Variants in CRYBG1 observed in about 807,000 individuals in gnomAD.
CRYBG1 encodes crystallin beta-gamma domain containing 1.
Under a neutral mutation model 189.2 loss-of-function variants are expected in CRYBG1, and 139 were observed. That is an observed-to-expected ratio of 0.73 (90% confidence interval 0.64 to 0.85). The LOEUF (loss-of-function observed/expected upper bound fraction) is 0.85, where lower values mean the gene tolerates loss of function less well. CRYBG1 is among the 40% of genes least tolerant of loss of function. CRYBG1 has a pLI of 0.00. For missense variants in CRYBG1, 2,611 were observed against 2,675.8 expected (o/e 0.98, Z 0.53); for synonymous variants, 1,023 against 1,017.1 (o/e 1.01, Z -0.11).
chr6:106,473,001 T>G (rs1043777515), intron 2 of CRYBG1, among the ~76,000 whole-genome samples: 1 of 152,230 alleles, frequency 6.6e-6, no homozygotes, highest in Non-Finnish European at 1.5e-5. Flanking sequence ...AGTTTCTCTC[T>G]TGTTACCTGT....
At chr6:106,390,553 C>T (rs1247403531) in intron 1 of CRYBG1, among the ~76,000 whole-genome samples, 2 of 151,924 alleles carry the variant, frequency 1.3e-5, no homozygotes, top group East Asian at 3.9e-4. Flanking sequence ...AAATATGAAA[C>T]ATTACTGTTA....
At chr6:106,566,951 A>G (rs1327803972) in intron 21 of CRYBG1, among the ~76,000 whole-genome samples, 1 of 152,208 alleles carries the variant, frequency 6.6e-6, no homozygotes, top group Non-Finnish European at 1.5e-5. Flanking sequence ...TCCAGACCAC[A>G]TACCTTGTAA....
At chr6:106,499,989 T>A (rs1376147700) in intron 2 of CRYBG1, among the ~76,000 whole-genome samples, 1 of 152,230 alleles carries the variant, frequency 6.6e-6, no homozygotes, top group Non-Finnish European at 1.5e-5. Context: ...GTGTTCCCAA[T>A]GACAGAATTT....
intron 1 of CRYBG1, among the ~76,000 whole-genome samples, chr6:106,446,331 A>G (rs76475136): frequency 1.2e-3 from 184 of 152,332 alleles, no homozygotes; most frequent in African/African-American, 4.3e-3. Context: ...TTAATTCAGA[A>G]GAGTGGTTCT....
intron 1 of CRYBG1, among the ~76,000 whole-genome samples, chr6:106,427,375 A>G (rs1771246020): frequency 6.6e-6 from 1 of 152,148 alleles, no homozygotes; most frequent in East Asian, 1.9e-4. Context: ...ATTGTTCCCT[A>G]TCTCAGTAAA....
Position 106,544,714 on chromosome 6 carries a change from C to A in CRYBG1, c.5166+17C>A. The A allele has an allele frequency of 6.2e-7, 1 of 1,611,174 alleles. No individual in the cohort carries two copies. On this transcript the variant is annotated intron_variant, in intron 12 of 21. Transcript: ENST00000633556. ...ATATTAGGTGTAAGTAAAGGACAAG[C>A]TAATGGCTAATACTTGGTCTTCTTT...
chr6:106,518,973 G>GTGCACACACA (rs1554188393), intron 3 of CRYBG1, among the ~76,000 whole-genome samples, 158 bp from the exon 4 acceptor site: 3 of 41,740 alleles, frequency 7.2e-5, no homozygotes, highest in South Asian at 1.2e-3. Context: ...ACACATGTGT[G>GTGCACACACA]CGCACACACA....
intron 1 of CRYBG1, among the ~76,000 whole-genome samples, chr6:106,391,958 TGTGTGTGTGTGTGCGTGC>T (rs1474613559): frequency 7.7e-5 from 5 of 65,092 alleles, no homozygotes; most frequent in African/African-American, 3.1e-4. Context: ...TGTGTGTGTG[TGTGTGTGTGTGTGCGTGC>T]GCGTTTCCTG....
intron 1 of CRYBG1, among the ~76,000 whole-genome samples, chr6:106,422,481 G>A (rs1771148870): frequency 6.6e-6 from 1 of 151,958 alleles, no homozygotes; most frequent in Non-Finnish European, 1.5e-5. Flanking sequence ...ACAGGCCTGA[G>A]CCACCATGCC....
intron 1 of CRYBG1, among the ~76,000 whole-genome samples, chr6:106,443,351 G>A (rs982936115): frequency 2.8e-4 from 43 of 152,272 alleles, no homozygotes; most frequent in African/African-American, 1.0e-3. Context: ...TGTTAAAATT[G>A]ATTCATGATC....
intron 2 of CRYBG1, among the ~76,000 whole-genome samples, chr6:106,507,147 A>G (rs1773147991): frequency 1.3e-5 from 2 of 152,218 alleles, no homozygotes; most frequent in African/African-American, 4.8e-5. Context: ...ACGCTGCTGG[A>G]ATATGATCTC....
Position 106,416,580 on chromosome 6 carries a change from A to G in CRYBG1, c.174-35114A>G, listed in dbSNP as rs972346354. On this transcript the variant is annotated intron_variant, in intron 1 of 21. Coordinates refer to ENST00000633556, the MANE Select transcript of CRYBG1 (RefSeq NM_001371242.2). ...ATCTTACTTCAGAATATATTGCCCA[A>G]TGTTCTCCAATGTAGAGCTTTGGCT... 5.4e-4 allele frequency among the ~76,000 whole-genome samples: 83 copies of G among 152,334 alleles called. 1 individual carries two copies. Among genetic ancestry groups the G allele is most frequent in the African/African-American group, 2.0e-3 (82 of 41,570 alleles).
At chr6:106,458,003 G>A (rs993858918) in intron 2 of CRYBG1, among the ~76,000 whole-genome samples, 3 of 152,222 alleles carry the variant, frequency 2.0e-5, no homozygotes, top group African/African-American at 4.8e-5. Context: ...ATTACATGTG[G>A]TAAGGTGATA....
intron 9 of CRYBG1, 95 bp from the exon 10 acceptor site, chr6:106,541,491 T>C: frequency 8.3e-7 from 1 of 1,201,122 alleles, no homozygotes; most frequent in East Asian, 2.3e-5. Flanking sequence ...ATAGTCACAC[T>C]GAAATTCAAT....
At chr6:106,550,340 T>C (rs1774367279) in intron 13 of CRYBG1, among the ~76,000 whole-genome samples, 5 of 152,250 alleles carry the variant, frequency 3.3e-5, no homozygotes, top group East Asian at 1.9e-4. Flanking sequence ...ATAGATATTA[T>C]TCCTTTAAGC....
intron 2 of CRYBG1, among the ~76,000 whole-genome samples, chr6:106,485,410 A>G (rs753814071): frequency 1.3e-5 from 2 of 152,156 alleles, no homozygotes; most frequent in Non-Finnish European, 2.9e-5. Context: ...TGGTGGATTC[A>G]TTAGGGTTTT....
Position 106,399,795 on chromosome 6 carries a change from C to T in CRYBG1, c.173+38714C>T, listed in dbSNP as rs560916643. Among the ~76,000 whole-genome samples the T allele has an allele frequency of 1.1e-4, 17 of 151,232 alleles. 1 individual carries two copies. In the South Asian group the frequency reaches 3.4e-3, roughly 30 times the overall value. On this transcript the variant is annotated intron_variant, in intron 1 of 21. Transcript: ENST00000633556. ...CCTCAGCCTCCCGAGTAGATGGGAC[C>T]GTAGGCATGCACCGCCATGCCCAGC... is the stretch of plus-strand genomic sequence containing the variant.
At chr6:106,503,650 T>C (rs1219816148) in intron 2 of CRYBG1, among the ~76,000 whole-genome samples, 1 of 152,180 alleles carries the variant, frequency 6.6e-6, no homozygotes, top group South Asian at 2.1e-4. Context: ...ATCAGTGGAA[T>C]GAATGAGTAA....
intron 4 of CRYBG1, among the ~76,000 whole-genome samples, chr6:106,522,408 T>G (rs1283620446): frequency 1.3e-5 from 2 of 152,256 alleles, no homozygotes; most frequent in African/African-American, 4.8e-5. Flanking sequence ...ATTGGATCTT[T>G]TCTTAAATAT....
Sources: allele counts gnomAD v4.1 joint callset (sites outside exome capture counted in the v4.1 genomes callset), GRCh38; gene constraint gnomAD v4.1.1; transcripts MANE v1.5; gene names NCBI Gene and HGNC (gene_info 2026-07-23, HGNC 2026-07-21).